The following ZNF254 variants were observed in gnomAD, a reference collection of about 807,000 sequenced individuals.
ZNF254 encodes zinc finger protein 254.
A neutral mutation model predicts 12.4 loss-of-function variants in ZNF254; 10 were observed. That is an observed-to-expected ratio of 0.80 (90% CI 0.50 to 1.36). ZNF254 has a LOEUF of 1.36. Among genes scored for constraint, ZNF254 ranks in the 40% most tolerant of loss-of-function variants. The probability of loss-of-function intolerance (pLI) is 0.00; values close to 1 mark genes in which losing one functional copy is unlikely to be tolerated. For synonymous variants in ZNF254, 305 were observed against 253.4 expected (o/e 1.20, Z -1.93); for missense variants, 996 against 763.9 (o/e 1.30, Z -3.58).
Position 24,069,390 on chromosome 19 carries a change from C to T in ZNF254, c.-94+23111C>T, listed in dbSNP as rs553617802. 2.1e-3 allele frequency among the ~76,000 whole-genome samples: 311 copies of T among 145,614 alleles called. 1 individual carries two copies. Among genetic ancestry groups the T allele is most frequent in the African/African-American group, 7.3e-3 (290 of 39,602 alleles). On this transcript the variant is annotated intron_variant, in intron 2 of 4. Coordinates refer to the ZNF254 transcript ENST00000613065. ...TTGGGAGGCCGAGGCAGGTGGATCA[C>T]GAGGTCAGGAGTTCAAGACCAGCCT...
intron 3 of ZNF254, among the ~76,000 whole-genome samples, chr19:24,117,770 T>A (rs1232618831): frequency 6.6e-6 from 1 of 151,886 alleles, no homozygotes; most frequent in African/African-American, 2.4e-5. Flanking sequence ...AATGCAGAAA[T>A]CACCCGTCTT....
intron 3 of ZNF254, among the ~76,000 whole-genome samples, chr19:24,114,049 CATT>C: frequency 6.6e-6 from 1 of 151,522 alleles, no homozygotes; most frequent in Non-Finnish European, 1.5e-5. Flanking sequence ...AATGGAAGAA[CATT>C]CCATGCTCAT....
intron 1 of ZNF254, among the ~76,000 whole-genome samples, chr19:24,092,287 C>A (rs1389606550): frequency 6.6e-6 from 1 of 151,860 alleles, no homozygotes; most frequent in Non-Finnish European, 1.5e-5. Context: ...CTGCTTCAGC[C>A]TCTCGAATAG....
At chr19:24,054,364 G>A (rs1970761084) in intron 2 of ZNF254, among the ~76,000 whole-genome samples, 1 of 152,132 alleles carries the variant, frequency 6.6e-6, no homozygotes, top group South Asian at 2.1e-4. Context: ...GCTTATAAGT[G>A]GAATGATGAC....
At chr19:24,071,165 C>T (rs1007091597) in intron 2 of ZNF254, among the ~76,000 whole-genome samples, 2 of 152,160 alleles carry the variant, frequency 1.3e-5, no homozygotes, top group Non-Finnish European at 2.9e-5. Flanking sequence ...CTACTCTCGA[C>T]TTTTACATAG....
At chr19:24,033,938 C>G (rs1316970460) in intron 1 of ZNF254, among the ~76,000 whole-genome samples, 4 of 152,214 alleles carry the variant, frequency 2.6e-5, no homozygotes, top group African/African-American at 7.2e-5. Flanking sequence ...GGAGCTGCGG[C>G]AGGTGGGGCT....
chr19:24,121,858 C>T (rs928423935), intron 3 of ZNF254, among the ~76,000 whole-genome samples: 1 of 151,766 alleles, frequency 6.6e-6, no homozygotes, highest in East Asian at 1.9e-4. Context: ...CCAGGCTACC[C>T]TTGGTTTTTT....
intron 1 of ZNF254, among the ~76,000 whole-genome samples, chr19:24,045,353 C>G (rs898398667): frequency 2.6e-5 from 4 of 152,048 alleles, no homozygotes; most frequent in Non-Finnish European, 4.4e-5. Flanking sequence ...TAGGCTCCCC[C>G]CTCCCCTTGT....
intron 1 of ZNF254, among the ~76,000 whole-genome samples, chr19:24,044,742 A>G (rs1970314094): frequency 1.3e-5 from 2 of 152,164 alleles, no homozygotes; most frequent in Non-Finnish European, 2.9e-5. Flanking sequence ...CATAAGTCAG[A>G]ACCAGTTGTC....
chr19:24,113,771 T>C (rs916064015), intron 3 of ZNF254, among the ~76,000 whole-genome samples: 10 of 152,198 alleles, frequency 6.6e-5, no homozygotes, highest in African/African-American at 2.4e-4. Flanking sequence ...GACATGATTG[T>C]ATACCTAGAA....
Position 24,060,484 on chromosome 19 carries a change from G to A in ZNF254, c.-94+14205G>A, listed in dbSNP as rs928703130. 1.1e-4 allele frequency among the ~76,000 whole-genome samples: 16 copies of A among 152,170 alleles called. 1 individual carries two copies. Among genetic ancestry groups the A allele is most frequent in the African/African-American group, 3.6e-4 (15 of 41,428 alleles). On this transcript the variant is annotated intron_variant, in intron 2 of 4. Transcript: ENST00000613065. ...CTAAACCCTGCCTACTGGGGGCATT[G>A]TGACATATCTCTTGGCCCATCAACT...
chr19:24,106,099 T>TA lies in ZNF254; in HGVS notation c.157+36dup, dbSNP rs1973327364. Reference sequence around the variant, plus strand: ...TAACTTTAATACAAAATTCCTCACATAAACTAAAGCTTTTATTTTTCTTTA... The same window carrying TA: ...TAACTTTAATACAAAATTCCTCACATAAAACTAAAGCTTTTATTTTTCTTTA... On this transcript the variant is annotated intron_variant, in intron 2 of 3. Coordinates refer to ENST00000357002, the MANE Select transcript of ZNF254 (RefSeq NM_203282.4). 3 of 1,540,564 alleles carry TA rather than the reference T, an allele frequency of 1.9e-6. No homozygotes were observed. In the South Asian group the frequency reaches 3.6e-5, roughly 18 times the overall value.
chr19:24,107,412 C>G (rs2098334355), intron 3 of ZNF254: 2 of 397,756 alleles, frequency 5.0e-6, no homozygotes, highest in Non-Finnish European at 4.4e-6. Flanking sequence ...TTTATGAGCT[C>G]CTTGTTTAAA....
At chr19:24,047,668 ATTTTTCTT>A (rs1385252599) in intron 2 of ZNF254, among the ~76,000 whole-genome samples, 1 of 91,714 alleles carries the variant, frequency 1.1e-5, no homozygotes, top group African/African-American at 4.2e-5. Context: ...TTTATTCTAC[ATTTTTCTT>A]TTTTTCTTTT....
chr19:24,056,440 A>C (rs751395703), intron 2 of ZNF254, among the ~76,000 whole-genome samples: 4 of 152,110 alleles, frequency 2.6e-5, no homozygotes, highest in Non-Finnish European at 5.9e-5. Flanking sequence ...TTCTTCCATC[A>C]TAAGTTCTGC....
intron 3 of ZNF254, among the ~76,000 whole-genome samples, chr19:24,125,371 A>G (rs1420840720): frequency 6.6e-6 from 1 of 151,360 alleles, no homozygotes; most frequent in Non-Finnish European, 1.5e-5. Flanking sequence ...TTTAATCAGT[A>G]TTATTCAGTT....
At chr19:24,123,204 A>C (rs962104217) in intron 3 of ZNF254, among the ~76,000 whole-genome samples, 2 of 152,114 alleles carry the variant, frequency 1.3e-5, no homozygotes, top group Non-Finnish European at 2.9e-5. Flanking sequence ...ATTTCTATGT[A>C]TTTGTAAATT....
chr19:24,106,718 A>G, intron 3 of ZNF254, 75 bp downstream of exon 3: 1 of 1,281,162 alleles, frequency 7.8e-7, no homozygotes, highest in East Asian at 2.9e-5. Context: ...CTTTAAAGTG[A>G]TTTAAGAAGC....
At chr19:24,106,995 T>G (rs967118905) in intron 3 of ZNF254, 2 of 447,490 alleles carry the variant, frequency 4.5e-6, no homozygotes, top group Non-Finnish European at 7.8e-6. Context: ...TTTTTTAAGT[T>G]CTCTTTTTGC....
Sources: allele counts gnomAD v4.1 joint callset (sites outside exome capture counted in the v4.1 genomes callset), GRCh38; gene constraint gnomAD v4.1.1; transcripts MANE v1.5; gene names NCBI Gene and HGNC (gene_info 2026-07-23, HGNC 2026-07-21).